Variants in CXXC5 observed in about 807,000 individuals in gnomAD.
CXXC5 encodes CXXC-type zinc finger protein 5.
A neutral mutation model predicts 17.6 loss-of-function variants in CXXC5; 2 were observed. The ratio of observed to expected loss-of-function variants is 0.11; its 90% CI spans 0.05 to 0.36. The LOEUF is 0.36. Ranked by LOEUF, CXXC5 falls within the 10% of genes least tolerant of loss-of-function variation. CXXC5 has a pLI of 1.00. For synonymous variants in CXXC5, 171 were observed against 193.0 expected (o/e 0.89, Z 0.94); for missense variants, 343 against 458.3 (o/e 0.75, Z 2.30).
At chr5:139,665,311 T>A (rs1756046113) in intron 1 of CXXC5, among the ~76,000 whole-genome samples, 1 of 152,238 alleles carries the variant, frequency 6.6e-6, no homozygotes, top group Non-Finnish European at 1.5e-5. Context: ...GTGCTGCTAC[T>A]GGGCCATGCC....
intron 1 of CXXC5, among the ~76,000 whole-genome samples, chr5:139,673,854 A>G (rs642854): frequency 1.2e-3 from 176 of 146,906 alleles, no homozygotes; most frequent in South Asian, 1.9e-3. Context: ...AAAAAAAAAA[A>G]AGAGAGAGAG....
At chr5:139,680,334 C>G (rs977203488) in intron 1 of CXXC5, 30 bp from the exon 2 acceptor site, 13 of 776,486 alleles carry the variant, frequency 1.7e-5, no homozygotes, top group Non-Finnish European at 2.6e-5. Context: ...GTGTTCACTG[C>G]TGCCCTGACC....
chr5:139,669,422 C>G (rs560775481), intron 1 of CXXC5, among the ~76,000 whole-genome samples: 1 of 151,986 alleles, frequency 6.6e-6, no homozygotes, highest in Admixed American at 6.5e-5. Flanking sequence ...ACCGCCATAG[C>G]GGGAGAGAGG....
Position 139,678,417 on chromosome 5 carries a change from G to A in CXXC5, c.-160-1947G>A, listed in dbSNP as rs1487388321. Among the ~76,000 whole-genome samples the A allele has an allele frequency of 3.3e-5, 5 of 152,144 alleles. No homozygotes were observed. The East Asian group carries it at 5.8e-4, about 18-fold the overall frequency. On this transcript the variant is annotated intron_variant, in intron 1 of 2. Transcript: ENST00000302517. ...CCTGGATTCCCTGCCAGGGCCCCCCGGCTCTGTCCTGGTGGAATCTGCCAT... is the reference window on the plus strand; with the variant it reads ...CCTGGATTCCCTGCCAGGGCCCCCCAGCTCTGTCCTGGTGGAATCTGCCAT...
At chr5:139,671,296 T>C (rs921179535) in intron 1 of CXXC5, among the ~76,000 whole-genome samples, 1 of 152,102 alleles carries the variant, frequency 6.6e-6, no homozygotes, top group African/African-American at 2.4e-5. Flanking sequence ...TCCTCCCACC[T>C]CCAGCCCCTG....
At chr5:139,649,163 T>C (rs987588121) in intron 1 of CXXC5, 22 of 152,342 alleles carry the variant, frequency 1.4e-4, no homozygotes, top group Admixed American at 1.3e-3. Context: ...TAAGCCGCAG[T>C]ATGCTCGGTC....
chr5:139,655,003 G>T (rs1755410036), intron 1 of CXXC5, among the ~76,000 whole-genome samples: 1 of 152,092 alleles, frequency 6.6e-6, no homozygotes, highest in African/African-American at 2.4e-5. Flanking sequence ...GATTTTTCCT[G>T]GGAAGGAGAA....
At chr5:139,653,140 TC>T (rs1216265266) in intron 1 of CXXC5, among the ~76,000 whole-genome samples, 1 of 152,032 alleles carries the variant, frequency 6.6e-6, no homozygotes, top group Non-Finnish European at 1.5e-5. Context: ...ACCCCTTCCC[TC>T]CCCAGCAGTA....
At chr5:139,665,353 G>A (rs1404261862) in intron 1 of CXXC5, among the ~76,000 whole-genome samples, 2 of 152,262 alleles carry the variant, frequency 1.3e-5, no homozygotes, top group East Asian at 3.8e-4. Context: ...GCACCGGGGT[G>A]GGGGATGGGG....
chr5:139,668,454 C>G lies in CXXC5; in HGVS notation c.-160-11910C>G, dbSNP rs977441119. Among the ~76,000 whole-genome samples, 3 of 152,076 alleles carry G rather than the reference C, an allele frequency of 2.0e-5. No homozygotes were observed. The highest frequency in any genetic ancestry group is 6.5e-5 in the Admixed American group (1 of 15,286). ...GGGTCCCAGGCCGACTAATTAGGCCCGGCTACCTCCCGCGCCGCCCACTGC... is the reference window on the plus strand; with the variant it reads ...GGGTCCCAGGCCGACTAATTAGGCCGGGCTACCTCCCGCGCCGCCCACTGC... On this transcript the variant is annotated intron_variant, in intron 1 of 2. Transcript: ENST00000302517. The surrounding 1 kb of genome is among the most constrained non-coding windows in gnomAD (Gnocchi z 4.1).
Position 139,661,008 on chromosome 5 carries a change from G to A in CXXC5, c.-161+12163G>A, listed in dbSNP as rs944180466. ...GTTTCGATGAAACAGGAACCCCGGA[G>A]CTGCAGCCTGGGCCGAGGGGGCCAG... is the stretch of plus-strand genomic sequence containing the variant. On this transcript the variant is annotated intron_variant, in intron 1 of 2. Coordinates refer to ENST00000302517, the MANE Select transcript of CXXC5 (RefSeq NM_016463.9). The surrounding 1 kb of genome is among the most constrained non-coding windows in gnomAD (Gnocchi z 4.7). Among the ~76,000 whole-genome samples, 8 of 152,172 alleles carry A rather than the reference G, an allele frequency of 5.3e-5. No individual in the cohort carries two copies. Among genetic ancestry groups the A allele is most frequent in the Non-Finnish European group, 1.2e-4 (8 of 68,018 alleles).
rs772952720 is a variant in CXXC5, at chr5:139,680,519, C to A, written c.-5C>A. ...CTGCAGTGGGGTCTGGGCCTCGGCC[C>A]CACCATGTCGAGCCTCGGCGGTGGC... On this transcript the variant is annotated 5_prime_UTR_variant, in exon 2 of 3. Transcript: ENST00000302517. 1.3e-6 allele frequency: 2 copies of A among 1,552,504 alleles called. No individual in the cohort carries two copies. Among genetic ancestry groups the A allele is most frequent in the Admixed American group, 3.9e-5 (2 of 51,488 alleles).
At chr5:139,652,554 T>C (rs1387399899) in intron 1 of CXXC5, among the ~76,000 whole-genome samples, 1 of 152,230 alleles carries the variant, frequency 6.6e-6, no homozygotes, top group African/African-American at 2.4e-5. Context: ...TGATGTGTGC[T>C]TATGACTCAG....
intron 1 of CXXC5, among the ~76,000 whole-genome samples, chr5:139,673,369 G>A (rs1265593530): frequency 1.3e-5 from 2 of 152,164 alleles, no homozygotes; most frequent in African/African-American, 4.8e-5. Context: ...TTCCAGGAAA[G>A]GAACCTGGCC....
intron 1 of CXXC5, chr5:139,649,444 T>G (rs1308500109): frequency 1.3e-5 from 2 of 152,186 alleles, no homozygotes; most frequent in Admixed American, 1.3e-4. Context: ...GGGGCGACGT[T>G]AACTGCTCTG....
chr5:139,675,971 G>A (rs536529228), intron 1 of CXXC5, among the ~76,000 whole-genome samples: 56 of 151,836 alleles, frequency 3.7e-4, no homozygotes, highest in Non-Finnish European at 4.9e-4. Context: ...GTAGAGGCAC[G>A]GGGTGGCCTC....
intron 2 of CXXC5, among the ~76,000 whole-genome samples, chr5:139,682,432 T>C (rs1031697079): frequency 6.2e-5 from 9 of 145,240 alleles, no homozygotes; most frequent in African/African-American, 2.3e-4. Context: ...CACACACACA[T>C]AGACACGGCC....
chr5:139,655,754 C>A (rs1445358538), intron 1 of CXXC5, among the ~76,000 whole-genome samples: 18 of 151,918 alleles, frequency 1.2e-4, no homozygotes, highest in Admixed American at 9.2e-4. Flanking sequence ...TTCCTGCCCC[C>A]TCCCCCACCA....
chr5:139,681,109 G>A lies in CXXC5; in HGVS notation c.586G>A (p.Val196Met). ...AGAGLPDMEA[V>M]AGAEALNGQS... ...TGCTGGCCTGCCTGACATGGAGGCT[G>A]TGGCAGGTGCCGAAGCCCTCAATGG... Residue 196 changes from valine to methionine, a missense_variant, in exon 2 of 3, where the codon GTG becomes ATG. Transcript: ENST00000302517. 6.2e-7 allele frequency: 1 copy of A among 1,612,718 alleles called. No homozygotes were observed. Among genetic ancestry groups the A allele is most frequent in the Non-Finnish European group, 8.5e-7 (1 of 1,179,968 alleles).
Sources: allele counts gnomAD v4.1 joint callset (sites outside exome capture counted in the v4.1 genomes callset), GRCh38; gene constraint gnomAD v4.1.1; non-coding constraint Gnocchi (gnomAD v3.1); transcripts MANE v1.5; gene names NCBI Gene and HGNC (gene_info 2026-07-23, HGNC 2026-07-21).